The following SNX2 variants were observed in gnomAD, a reference collection of about 807,000 sequenced individuals.
SNX2 encodes sorting nexin 2.
Under a neutral mutation model 69.9 loss-of-function variants are expected in SNX2, and 25 were observed. That is an observed-to-expected ratio of 0.36 (90% CI 0.26 to 0.50). SNX2 has a LOEUF of 0.50. Among genes scored for constraint, SNX2 ranks in the 20% least tolerant of loss-of-function variants. SNX2 has a pLI of 0.97. For synonymous variants in SNX2, 229 were observed against 200.4 expected (o/e 1.14, Z -1.20); for missense variants, 551 against 613.3 (o/e 0.90, Z 1.07).
chr5:122,830,341 T>C lies in SNX2; in HGVS notation c.*693T>C, dbSNP rs981059186. ...TTGTCTTGGGTAAAGAAGAGAATAATTGTCTTTGCTTGTTTTTAACCATCT... is the reference window on the plus strand; with the variant it reads ...TTGTCTTGGGTAAAGAAGAGAATAACTGTCTTTGCTTGTTTTTAACCATCT... On this transcript the variant is annotated 3_prime_UTR_variant, in exon 15 of 15. Transcript: ENST00000379516. Among the ~76,000 whole-genome samples, 7 of 152,176 alleles carry C rather than the reference T, an allele frequency of 4.6e-5. No homozygotes were observed. Among genetic ancestry groups the C allele is most frequent in the Non-Finnish European group, 8.8e-5 (6 of 68,022 alleles).
chr5:122,781,852 A>T (rs1752986036), intron 1 of SNX2, among the ~76,000 whole-genome samples: 2 of 151,980 alleles, frequency 1.3e-5, no homozygotes. Flanking sequence ...ATTTTATAAA[A>T]TTTTTATTAA....
At chr5:122,797,342 A>G (rs1250280611) in intron 2 of SNX2, among the ~76,000 whole-genome samples, 3 of 152,250 alleles carry the variant, frequency 2.0e-5, no homozygotes, top group African/African-American at 7.2e-5. Context: ...GAACTAAAGA[A>G]CAATAAACAT....
Position 122,832,601 on chromosome 5 carries a change from G to A in SNX2, c.*2953G>A, listed in dbSNP as rs1045871370. ...TCATTGTATTAATGTTGGTTCAAAAGTAATTGCGTCCTTTGTCGTTATATA... is the reference window on the plus strand; with the variant it reads ...TCATTGTATTAATGTTGGTTCAAAAATAATTGCGTCCTTTGTCGTTATATA... On this transcript the variant is annotated 3_prime_UTR_variant, in exon 15 of 15. Coordinates refer to ENST00000379516, the MANE Select transcript of SNX2 (RefSeq NM_003100.4). 1.3e-5 allele frequency: 2 copies of A among 152,088 alleles called. No individual in the cohort carries two copies. Among genetic ancestry groups the A allele is most frequent in the African/African-American group, 4.8e-5 (2 of 41,426 alleles). The allele number at this position is 152,088 out of a possible 1,614,324, so 9.4% of individuals were successfully genotyped here. A position where few individuals can be genotyped will look rare whatever the true frequency, so the allele number is the denominator to read the frequency against.
At chr5:122,825,752 C>G (rs1043887033) in intron 11 of SNX2, among the ~76,000 whole-genome samples, 1 of 152,016 alleles carries the variant, frequency 6.6e-6, no homozygotes, top group Admixed American at 6.6e-5. Context: ...AAGCATAAAA[C>G]GCTGTTATAA....
At chr5:122,817,121 A>C (rs1335535650) in intron 9 of SNX2, 93 bp downstream of exon 9, 2 of 1,138,304 alleles carry the variant, frequency 1.8e-6, no homozygotes, top group Non-Finnish European at 1.3e-6. Context: ...TAGGATATTA[A>C]TTTGCTTATT....
At position 122,795,342 on chromosome 5, in the gene SNX2, C is replaced by T. The variant is rs1561451447; in HGVS notation, c.185C>T (p.Thr62Ile). ...ISANSNGPKPTEVVLDDDRED... is the reference protein window; with the variant it reads ...ISANSNGPKPIEVVLDDDRED... ...GCAAACTCCAATGGCCCAAAACCCA[C>T]AGAAGTTGTATTAGATGATGACAGA... Residue 62 changes from threonine (T) to isoleucine (I), a missense_variant, in exon 2 of 15, where the codon ACA (threonine) becomes ATA (isoleucine). Coordinates refer to ENST00000379516, the MANE Select transcript of SNX2 (RefSeq NM_003100.4). 1 of 1,613,724 alleles carries T rather than the reference C, an allele frequency of 6.2e-7. No individual in the cohort carries two copies. Among genetic ancestry groups the T allele is most frequent in the Non-Finnish European group, 8.5e-7 (1 of 1,179,702 alleles).
rs915364389 is a variant in SNX2, at chr5:122,831,278, C to T, written c.*1630C>T. 2.6e-5 allele frequency among the ~76,000 whole-genome samples: 4 copies of T among 152,222 alleles called. No individual in the cohort carries two copies. The highest frequency in any genetic ancestry group is 9.6e-5 in the African/African-American group (4 of 41,530). ...TATTCATATTTATACTCCCACAGCCCAGAAGAGTGGCTGATACATAATAGG... is the reference window on the plus strand; with the variant it reads ...TATTCATATTTATACTCCCACAGCCTAGAAGAGTGGCTGATACATAATAGG... On this transcript the variant is annotated 3_prime_UTR_variant, in exon 15 of 15. Coordinates refer to ENST00000379516, the MANE Select transcript of SNX2 (RefSeq NM_003100.4).
At chr5:122,817,950 G>T (rs1387398025) in intron 10 of SNX2, among the ~76,000 whole-genome samples, 3 of 151,908 alleles carry the variant, frequency 2.0e-5, no homozygotes, top group Non-Finnish European at 4.4e-5. Flanking sequence ...TAGTTTTTTG[G>T]TTTTTTAAAG....
At chr5:122,793,915 C>CG (rs1357270877) in intron 1 of SNX2, among the ~76,000 whole-genome samples, 1 of 139,060 alleles carries the variant, frequency 7.2e-6, no homozygotes, top group East Asian at 2.1e-4. Flanking sequence ...TTCTGTCCCC[C>CG]CAAAAAAAAA....
intron 2 of SNX2, among the ~76,000 whole-genome samples, chr5:122,796,892 A>C (rs1469656823): frequency 1.3e-5 from 2 of 152,166 alleles, no homozygotes; most frequent in Non-Finnish European, 2.9e-5. Context: ...AGTGAGGACT[A>C]TACAATGATA....
chr5:122,786,736 T>C (rs1031402402), intron 1 of SNX2, among the ~76,000 whole-genome samples: 1 of 152,178 alleles, frequency 6.6e-6, no homozygotes, highest in Non-Finnish European at 1.5e-5. Context: ...GGCCATTTTT[T>C]ACATTTTGGC....
intron 1 of SNX2, among the ~76,000 whole-genome samples, chr5:122,794,384 C>T (rs193019216): frequency 4.0e-4 from 61 of 152,230 alleles, no homozygotes; most frequent in African/African-American, 1.4e-3. Context: ...TGAGAGGTCA[C>T]ATTTTTAGTT....
chr5:122,827,938 C>A (rs1372761678), intron 14 of SNX2: 1 of 280,192 alleles, frequency 3.6e-6, no homozygotes, highest in Non-Finnish European at 6.6e-6. Flanking sequence ...AGTTTGTTTT[C>A]CTTGTTGGTC....
At chr5:122,821,687 C>T (rs1373041086) in intron 11 of SNX2, among the ~76,000 whole-genome samples, 1 of 152,078 alleles carries the variant, frequency 6.6e-6, no homozygotes, top group African/African-American at 2.4e-5. Flanking sequence ...GATCTCCTGA[C>T]CTCATGATCC....
chr5:122,823,567 A>AT (rs1754076153), intron 11 of SNX2, among the ~76,000 whole-genome samples: 1 of 152,252 alleles, frequency 6.6e-6, no homozygotes, highest in Non-Finnish European at 1.5e-5. Context: ...CATGTTCATT[A>AT]GCTTTTTCCC....
intron 2 of SNX2, among the ~76,000 whole-genome samples, chr5:122,798,281 T>C (rs1354591286): frequency 6.6e-6 from 1 of 152,184 alleles, no homozygotes; most frequent in Non-Finnish European, 1.5e-5. Flanking sequence ...ACGGTAGGCT[T>C]ATCTATAGCC....
At chr5:122,806,094 A>ATGTGTGTGTGTGTGTG (rs147188322) in intron 6 of SNX2, among the ~76,000 whole-genome samples, 1 of 124,698 alleles carries the variant, frequency 8.0e-6, no homozygotes, top group Admixed American at 8.2e-5. Context: ...TAAAACTTTT[A>ATGTGTGTGTGTGTGTG]TGTGTGTGTG....
At chr5:122,787,566 G>GT (rs1386318463) in intron 1 of SNX2, among the ~76,000 whole-genome samples, 1 of 152,024 alleles carries the variant, frequency 6.6e-6, no homozygotes, top group Admixed American at 6.6e-5. Flanking sequence ...CTCCCTGGCA[G>GT]TTGAGCGGGG....
intron 1 of SNX2, among the ~76,000 whole-genome samples, chr5:122,783,473 T>A (rs1009520775): frequency 6.6e-6 from 1 of 152,164 alleles, no homozygotes; most frequent in Admixed American, 6.5e-5. Context: ...TTGAGTTAAT[T>A]TTTGTGTGAG....
Sources: allele counts gnomAD v4.1 joint callset (sites outside exome capture counted in the v4.1 genomes callset), GRCh38; gene constraint gnomAD v4.1.1; transcripts MANE v1.5; gene names NCBI Gene and HGNC (gene_info 2026-07-23, HGNC 2026-07-21).